Variants in NUSAP1 observed in about 807,000 individuals in gnomAD.
NUSAP1 encodes the protein nucleolar and spindle-associated protein 1.
A neutral mutation model predicts 52.8 loss-of-function variants in NUSAP1; 32 were observed. The ratio of observed to expected loss-of-function variants is 0.61; its 90% CI spans 0.46 to 0.81. The LOEUF (loss-of-function observed/expected upper bound fraction) is 0.81. Ranked by LOEUF, NUSAP1 falls within the 40% of genes least tolerant of loss-of-function variation. NUSAP1 has a pLI of 0.00. For synonymous variants in NUSAP1, 195 were observed against 183.1 expected, an observed-to-expected ratio of 1.06 and a Z score of -0.52; for missense variants, 499 against 522.3, an observed-to-expected ratio of 0.96 and a Z score of 0.43.
At chr15:41,354,637 T>C (rs2048894774) in intron 4 of NUSAP1, among the ~76,000 whole-genome samples, 1 of 150,944 alleles carries the variant, frequency 6.6e-6, no homozygotes, top group African/African-American at 2.4e-5. Flanking sequence ...AATATTATGT[T>C]CATAATAAAA....
rs1378361735 is a variant in NUSAP1, at chr15:41,375,774, G to C, written c.1069G>C (p.Val357Leu). 6.2e-7 allele frequency: 1 copy of C among 1,613,802 alleles called. No individual in the cohort carries two copies. Among genetic ancestry groups the C allele is most frequent in the Non-Finnish European group, 8.5e-7 (1 of 1,179,852 alleles). The change falls in exon 9 of 11, where the codon GTG becomes CTG. Residue 357 changes from valine to leucine, a missense_variant. Val to Leu is a conservative substitution (Grantham distance 32). Coordinates refer to ENST00000559596, the MANE Select transcript of NUSAP1 (RefSeq NM_016359.5). ...TQTPVSNKKP[V>L]FDLKASLSRP... The stretch of plus-strand genomic sequence containing the variant: ...GACTCCAGTCTCCAATAAGAAACCA[G>C]TGTTTGATCTTAAAGCAAGTTTGTC...
At position 41,376,224 on chromosome 15, in the gene NUSAP1, C is replaced by T. The variant is rs576041708; in HGVS notation, c.1123+396C>T. ...CAGCCTGGCCAACATGGTGAAACCC[C>T]GTCTCTTCTGAAAAAAAATAAGAAA... On this transcript the variant is annotated intron_variant, in intron 9 of 10. Coordinates refer to ENST00000559596, the MANE Select transcript of NUSAP1 (RefSeq NM_016359.5). Among the ~76,000 whole-genome samples the T allele has an allele frequency of 1.6e-3, 247 of 150,876 alleles. 1 individual carries two copies. The highest frequency in any genetic ancestry group is 5.6e-3 in the African/African-American group (230 of 41,062).
At chr15:41,335,640 A>C (rs1415106478) in intron 1 of NUSAP1, among the ~76,000 whole-genome samples, 1 of 139,828 alleles carries the variant, frequency 7.2e-6, no homozygotes, top group South Asian at 2.2e-4. Flanking sequence ...TATACTATAT[A>C]TAAATATATT....
chr15:41,372,047 C>T lies in NUSAP1; in HGVS notation c.1006+363C>T, dbSNP rs571000462. On this transcript the variant is annotated intron_variant, in intron 8 of 10. Transcript: ENST00000559596. ...CCTACCAAAGTGCTGGGATTACAAG[C>T]GTGAGCCACTGCGCCCGGCCTGTAT... Among the ~76,000 whole-genome samples, 16 of 152,266 alleles carry T rather than the reference C, an allele frequency of 1.1e-4. No individual in the cohort carries two copies. In the South Asian group the frequency reaches 3.1e-3, roughly 30 times the overall value.
rs561004742 is a variant in NUSAP1, at chr15:41,367,132, G to A, written c.848+1543G>A. Among the ~76,000 whole-genome samples the A allele has an allele frequency of 6.6e-5, 10 of 152,266 alleles. No homozygotes were observed. In the East Asian group the frequency reaches 9.7e-4, roughly 15 times the overall value. On this transcript the variant is annotated intron_variant, in intron 7 of 10. Coordinates refer to ENST00000559596, the MANE Select transcript of NUSAP1 (RefSeq NM_016359.5). ...TTGCATGGCTGCTTGGCTGGCCTTC[G>A]GGCATGTCTACCAGAGGCTGCTTAC...
At chr15:41,375,416 TCCAC>T (rs200541425) in intron 8 of NUSAP1, among the ~76,000 whole-genome samples, 2,214 of 152,168 alleles carry the variant, frequency 0.015, 27 homozygotes, top group Non-Finnish European at 0.023. Context: ...CCTCAGGTGA[TCCAC>T]CCGACTCGGC....
chr15:41,351,053 C>G lies in NUSAP1; in HGVS notation c.372C>G (p.Ser124Arg). ...TCCAGAATCATGAAAAGCAGGAAAGCCAGGATCTCAGAGCTACTGCAAAAG... is the reference window on the plus strand; with the variant it reads ...TCCAGAATCATGAAAAGCAGGAAAGGCAGGATCTCAGAGCTACTGCAAAAG... ...TEFQNHEKQE[S>R]QDLRATAKVP... The change falls in exon 4 of 11, where the codon AGC (serine) becomes AGG (arginine). Residue 124 changes from serine (S) to arginine (R), a missense_variant. Coordinates refer to ENST00000559596, the MANE Select transcript of NUSAP1 (RefSeq NM_016359.5). 6.2e-7 allele frequency: 1 copy of G among 1,613,296 alleles called. No homozygotes were observed. The highest frequency in any genetic ancestry group is 1.3e-5 in the African/African-American group (1 of 74,994).
chr15:41,362,659 T>A (rs2049223381), intron 6 of NUSAP1, among the ~76,000 whole-genome samples: 2 of 151,986 alleles, frequency 1.3e-5, no homozygotes, highest in Admixed American at 1.3e-4. Flanking sequence ...CTGAATCTCC[T>A]GACCTCGTGA....
chr15:41,350,323 C>A (rs1206421096), intron 3 of NUSAP1, among the ~76,000 whole-genome samples: 5 of 152,106 alleles, frequency 3.3e-5, no homozygotes, highest in African/African-American at 1.2e-4. Context: ...TGTGACTTAG[C>A]CAGTGGCCTT....
intron 2 of NUSAP1, among the ~76,000 whole-genome samples, chr15:41,346,716 A>T (rs1271754741): frequency 6.6e-6 from 1 of 151,698 alleles, no homozygotes; most frequent in Admixed American, 6.6e-5. Context: ...AGTCCCAGCT[A>T]CTCGGGAGGC....
At chr15:41,362,265 A>G (rs1337967974) in intron 6 of NUSAP1, among the ~76,000 whole-genome samples, 2 of 151,708 alleles carry the variant, frequency 1.3e-5, no homozygotes, top group African/African-American at 4.8e-5. Context: ...AAAAGATTGG[A>G]AAACTTGTAT....
At chr15:41,349,280 G>A (rs1047339993) in intron 3 of NUSAP1, 39 bp downstream of exon 3, 1 of 1,577,454 alleles carries the variant, frequency 6.3e-7, no homozygotes, top group Admixed American at 1.8e-5. Flanking sequence ...AACCACCTAT[G>A]CCAAAATTGG....
At position 41,332,988 on chromosome 15, in the gene NUSAP1, T is replaced by TC. The variant is rs1435638304; in HGVS notation, c.34dup (p.Leu12ProfsTer5). The TC allele has an allele frequency of 6.2e-7, 1 of 1,611,810 alleles. No individual in the cohort carries two copies. The highest frequency in any genetic ancestry group is 1.7e-5 in the Admixed American group (1 of 59,692). ...CATCCCCTCTCTAGAGGAGCTGGAC[T>TC]CCCTCAAGTACAGTGACCTGCAGAA... is the stretch of plus-strand genomic sequence containing the variant. On this transcript the variant is annotated frameshift_variant, in exon 1 of 11. Coordinates refer to ENST00000559596, the MANE Select transcript of NUSAP1 (RefSeq NM_016359.5). LOFTEE classifies it high-confidence loss of function.
chr15:41,372,277 C>T (rs986175370), intron 8 of NUSAP1, among the ~76,000 whole-genome samples: 9 of 152,146 alleles, frequency 5.9e-5, no homozygotes, highest in African/African-American at 1.7e-4. Context: ...GGAGGATGAG[C>T]ACAGTATTCG....
intron 8 of NUSAP1, among the ~76,000 whole-genome samples, chr15:41,373,063 C>G (rs1393389439): frequency 1.3e-5 from 2 of 151,682 alleles, no homozygotes; most frequent in African/African-American, 4.8e-5. Context: ...CTCCAGCCAG[C>G]CTGGGCAACA....
Position 41,358,181 on chromosome 15 carries a change from G to T in NUSAP1, c.583G>T (p.Glu195Ter). 6.4e-7 allele frequency: 1 copy of T among 1,568,472 alleles called. No individual in the cohort carries two copies. The highest frequency in any genetic ancestry group is 8.7e-7 in the Non-Finnish European group (1 of 1,145,812). The change falls in exon 6 of 11, where the codon GAA becomes TAA. Residue 195 changes from glutamate (E) to a stop codon, truncating the protein, a stop_gained. Coordinates refer to ENST00000559596, the MANE Select transcript of NUSAP1 (RefSeq NM_016359.5). LOFTEE classifies it high-confidence loss of function. ...GAAGCTTCATGAAGCTCATTTTAAGGAAATGGAGTCCATTGATCAATATAT... is the reference window on the plus strand; with the variant it reads ...GAAGCTTCATGAAGCTCATTTTAAGTAAATGGAGTCCATTGATCAATATAT... Reference protein sequence around the residue: ...FKKLHEAHFKEMESIDQYIER... With the variant: ...FKKLHEAHFK
At chr15:41,374,618 C>G (rs893590929) in intron 8 of NUSAP1, among the ~76,000 whole-genome samples, 1 of 151,944 alleles carries the variant, frequency 6.6e-6, no homozygotes, top group Non-Finnish European at 1.5e-5. Context: ...ACCTCCGACT[C>G]CCTGGTTCAA....
At chr15:41,370,526 G>A (rs1002189555) in intron 7 of NUSAP1, among the ~76,000 whole-genome samples, 7 of 151,938 alleles carry the variant, frequency 4.6e-5, no homozygotes, top group Non-Finnish European at 1.0e-4. Flanking sequence ...TGAGGCAGGC[G>A]GATCACCTGA....
chr15:41,365,675 T>A, intron 7 of NUSAP1, 86 bp downstream of exon 7: 3 of 941,526 alleles, frequency 3.2e-6, no homozygotes, highest in East Asian at 2.7e-5. Context: ...CAAATAATAT[T>A]CGTACATACT....
Sources: gnomAD v4.1 joint callset for allele counts (sites outside exome capture counted in the v4.1 genomes callset) on GRCh38, gnomAD v4.1.1 for gene constraint, MANE v1.5 for transcripts, NCBI Gene and HGNC (gene_info 2026-07-23, HGNC 2026-07-21) for gene names.